The following MTHFD2L variants were observed in gnomAD, a reference collection of about 807,000 sequenced individuals.
MTHFD2L encodes the protein bifunctional methylenetetrahydrofolate dehydrogenase/cyclohydrolase 2, mitochondrial.
A neutral mutation model predicts 34.9 loss-of-function variants in MTHFD2L; 29 were observed. The observed-to-expected ratio is 0.83, with a 90% confidence interval of 0.62 to 1.13. The LOEUF (loss-of-function observed/expected upper bound fraction) is 1.13, where lower values mean the gene tolerates loss of function less well. Among genes scored for constraint, MTHFD2L ranks in the 50% most tolerant of loss-of-function variants. MTHFD2L has a pLI of 0.00. For missense variants in MTHFD2L, 481 were observed against 446.5 expected, an observed-to-expected ratio of 1.08 and a Z score of -0.70; for synonymous variants, 167 against 155.7, an observed-to-expected ratio of 1.07 and a Z score of -0.54.
chr4:74,263,887 T>C (rs1744982521), intron 6 of MTHFD2L, among the ~76,000 whole-genome samples: 1 of 152,088 alleles, frequency 6.6e-6, no homozygotes, highest in Non-Finnish European at 1.5e-5. Context: ...CCCAGAAATC[T>C]AAGATTAGTC....
intron 3 of MTHFD2L, among the ~76,000 whole-genome samples, chr4:74,190,700 A>G (rs1732318188): frequency 6.6e-6 from 1 of 152,114 alleles, no homozygotes; most frequent in Non-Finnish European, 1.5e-5. Context: ...TGAAATCTTG[A>G]TGTAGATCCC....
upstream of MTHFD2L, among the ~76,000 whole-genome samples, chr4:74,120,616 C>T (rs1265704066): frequency 1.3e-5 from 2 of 152,058 alleles, no homozygotes; most frequent in African/African-American, 4.8e-5. Flanking sequence ...GTCGGCTAGC[C>T]AAAAAATGTC....
intron 7 of MTHFD2L, among the ~76,000 whole-genome samples, chr4:74,284,507 G>A (rs181908657): frequency 3.6e-4 from 54 of 151,228 alleles, no homozygotes; most frequent in African/African-American, 1.2e-3. Context: ...AATATCCTTC[G>A]CCCACTTGTT....
chr4:74,218,761 A>C (rs1578508453), intron 5 of MTHFD2L, among the ~76,000 whole-genome samples: 1 of 152,152 alleles, frequency 6.6e-6, no homozygotes, highest in African/African-American at 2.4e-5. Context: ...GCTAGTTAGA[A>C]AACTGCTCAG....
At chr4:74,120,690 C>T (rs1002546704), upstream of MTHFD2L, among the ~76,000 whole-genome samples, 3 of 152,248 alleles carry the variant, frequency 2.0e-5, no homozygotes, top group Admixed American at 2.0e-4. Flanking sequence ...AAGTGCATGC[C>T]CTTAACTCAT....
intron 5 of MTHFD2L, among the ~76,000 whole-genome samples, chr4:74,224,928 T>A (rs1448596247): frequency 2.0e-5 from 3 of 152,140 alleles, no homozygotes; most frequent in African/African-American, 7.2e-5. Flanking sequence ...CCATTTTTTG[T>A]TCACTTACCT....
intron 6 of MTHFD2L, among the ~76,000 whole-genome samples, chr4:74,260,740 CAGG>C (rs1744572414): frequency 1.3e-5 from 2 of 151,922 alleles, no homozygotes; most frequent in Admixed American, 1.3e-4. Context: ...ACAAGGACAT[CAGG>C]AGAATTTAAA....
chr4:74,262,303 A>G (rs922546677), intron 6 of MTHFD2L, among the ~76,000 whole-genome samples: 11 of 151,914 alleles, frequency 7.2e-5, no homozygotes, highest in African/African-American at 2.7e-4. Flanking sequence ...ACTTAATAGA[A>G]CTTGGTCATA....
intron 3 of MTHFD2L, among the ~76,000 whole-genome samples, chr4:74,184,994 A>G (rs534819640): frequency 4.7e-5 from 7 of 149,938 alleles, no homozygotes; most frequent in Non-Finnish European, 7.5e-5. Context: ...CTAAAAATAC[A>G]AAAAAAAATT....
chr4:74,137,296 T>A (rs1015663233), intron 1 of MTHFD2L, among the ~76,000 whole-genome samples: 2 of 152,142 alleles, frequency 1.3e-5, no homozygotes, highest in African/African-American at 4.8e-5. Context: ...AATTTAAAAA[T>A]GGACAACATG....
chr4:74,200,626 C>T (rs559551476), intron 4 of MTHFD2L, among the ~76,000 whole-genome samples: 1 of 152,240 alleles, frequency 6.6e-6, no homozygotes, highest in South Asian at 2.1e-4. Flanking sequence ...CAGACTCTTA[C>T]AAAAGAAGTT....
Position 74,114,645 on chromosome 4 carries a change from T to A in MTHFD2L, c.-156T>A, listed in dbSNP as rs1010455444. On this transcript the variant is annotated 5_prime_UTR_variant and NMD_transcript_variant, in exon 2 of 10. Transcript: ENST00000429519. Reference sequence around the variant, plus strand: ...CATTTCAGCCCTGTAATTGACCAGCTGTGGGACCTCAGGTAAGCTGGCTAA... The same window carrying A: ...CATTTCAGCCCTGTAATTGACCAGCAGTGGGACCTCAGGTAAGCTGGCTAA... The A allele has an allele frequency of 3.3e-5, 5 of 152,204 alleles. No homozygotes were observed. In the East Asian group the frequency reaches 5.8e-4, roughly 18 times the overall value. The allele number at this position is 152,204 out of a possible 1,614,324, so 9.4% of individuals were successfully genotyped here.
At chr4:74,160,251 T>A in intron 1 of MTHFD2L, 1 of 424,550 alleles carries the variant, frequency 2.4e-6, no homozygotes. Context: ...CACTGAAAAT[T>A]GCCTTTGAGT....
At position 74,175,355 on chromosome 4, in the gene MTHFD2L, A is replaced by G; in HGVS notation, c.403A>G (p.Asn135Asp). Residue 135 changes from asparagine to aspartate, a missense_variant, in exon 3 of 8, where the codon AAT becomes GAT. Coordinates refer to ENST00000325278, the MANE Select transcript of MTHFD2L (RefSeq NM_001144978.3). Reference protein sequence around the residue: ...EELLDVTDQLNMDPRVSGILV... With the variant: ...EELLDVTDQLDMDPRVSGILV... ...ACTTTTGGACGTAACTGATCAATTG[A>G]ATATGGACCCAAGAGTCAGCGGTAT... The G allele has an allele frequency of 6.2e-7, 1 of 1,613,142 alleles. No individual in the cohort carries two copies. The highest frequency in any genetic ancestry group is 1.3e-5 in the African/African-American group (1 of 75,010).
intron 7 of MTHFD2L, among the ~76,000 whole-genome samples, chr4:74,295,543 C>G (rs1749524475): frequency 6.6e-6 from 1 of 152,286 alleles, no homozygotes; most frequent in Non-Finnish European, 1.5e-5. Context: ...AAACTCACTT[C>G]ATTAGAGAAA....
At chr4:74,252,383 A>G (rs1743443151) in intron 6 of MTHFD2L, among the ~76,000 whole-genome samples, 1 of 152,194 alleles carries the variant, frequency 6.6e-6, no homozygotes, top group Admixed American at 6.5e-5. Context: ...GGCACTTAAC[A>G]AAGACAAGGA....
At chr4:74,257,896 A>G (rs1190107506) in intron 6 of MTHFD2L, among the ~76,000 whole-genome samples, 1 of 152,142 alleles carries the variant, frequency 6.6e-6, no homozygotes, top group Non-Finnish European at 1.5e-5. Context: ...ACACACACAC[A>G]TACATGATGT....
upstream of MTHFD2L, among the ~76,000 whole-genome samples, chr4:74,120,505 G>A (rs1010012373): frequency 3.3e-5 from 5 of 152,162 alleles, no homozygotes; most frequent in Admixed American, 6.5e-5. Context: ...ATGCATGGAC[G>A]GACCGACTGC....
At chr4:74,195,320 A>C (rs1670750213) in intron 3 of MTHFD2L, 1 of 152,256 alleles carries the variant, frequency 6.6e-6, no homozygotes, top group Admixed American at 6.5e-5. Context: ...TGTACTTCAA[A>C]GGTATAACTC....
Sources: gnomAD v4.1 joint callset for allele counts (sites outside exome capture counted in the v4.1 genomes callset) on GRCh38, gnomAD v4.1.1 for gene constraint, MANE v1.5 for transcripts, NCBI Gene and HGNC (gene_info 2026-07-23, HGNC 2026-07-21) for gene names.